The following ZNF385D variants were observed in gnomAD, a reference collection of about 807,000 sequenced individuals.
ZNF385D encodes zinc finger protein 659.
A neutral mutation model predicts 35.8 loss-of-function variants in ZNF385D; 15 were observed. That is an observed-to-expected ratio of 0.42 (90% confidence interval 0.28 to 0.64). The LOEUF is 0.64. ZNF385D is among the 30% of genes least tolerant of loss of function. ZNF385D has a pLI of 0.23. For synonymous variants in ZNF385D, 212 were observed against 186.8 expected (o/e 1.13, Z -1.10); for missense variants, 474 against 494.6 (o/e 0.96, Z 0.39).
At chr3:21,784,554 A>G (rs2071612781) in intron 3 of ZNF385D, among the ~76,000 whole-genome samples, 1 of 152,160 alleles carries the variant, frequency 6.6e-6, no homozygotes, top group Non-Finnish European at 1.5e-5. Flanking sequence ...GGCATAGACT[A>G]GGTGAGGGCA....
chr3:21,627,746 T>C (rs2065174874), intron 2 of ZNF385D, among the ~76,000 whole-genome samples: 1 of 152,092 alleles, frequency 6.6e-6, no homozygotes, highest in African/African-American at 2.4e-5. Context: ...TGGAGTAAGC[T>C]TTACCCAGGA....
chr3:22,235,792 A>G (rs769089456), intron 2 of ZNF385D, among the ~76,000 whole-genome samples: 2 of 152,144 alleles, frequency 1.3e-5, no homozygotes, highest in Non-Finnish European at 2.9e-5. Context: ...ACAAATTCTC[A>G]CATAGTCTGG....
intron 1 of ZNF385D, among the ~76,000 whole-genome samples, chr3:21,724,842 A>G (rs1315008575): frequency 6.6e-6 from 1 of 152,240 alleles, no homozygotes; most frequent in Non-Finnish European, 1.5e-5. Flanking sequence ...CCTAATAGAC[A>G]TCTACACAAC....
At chr3:22,351,806 G>T (rs1455580854) in intron 2 of ZNF385D, among the ~76,000 whole-genome samples, 3 of 152,128 alleles carry the variant, frequency 2.0e-5, no homozygotes, top group Non-Finnish European at 4.4e-5. Context: ...TGAATTGCTT[G>T]CCCTCCACCA....
chr3:22,184,981 G>A (rs998901665), intron 2 of ZNF385D, among the ~76,000 whole-genome samples: 9 of 151,728 alleles, frequency 5.9e-5, no homozygotes, highest in Admixed American at 3.3e-4. Context: ...GAGTTTTTAG[G>A]TAGGTTAAAA....
intron 3 of ZNF385D, among the ~76,000 whole-genome samples, chr3:21,944,654 G>T (rs1701686745): frequency 6.6e-6 from 1 of 152,076 alleles, no homozygotes; most frequent in Non-Finnish European, 1.5e-5. Flanking sequence ...AGAATAACTA[G>T]GTTTACAGAA....
At chr3:21,599,419 T>A (rs2064218014) in intron 2 of ZNF385D, among the ~76,000 whole-genome samples, 1 of 152,188 alleles carries the variant, frequency 6.6e-6, no homozygotes, top group South Asian at 2.1e-4. Flanking sequence ...AAAATAAAAA[T>A]TTTTCCTAAG....
chr3:22,074,898 C>G (rs1700392074), intron 3 of ZNF385D, among the ~76,000 whole-genome samples: 1 of 151,776 alleles, frequency 6.6e-6, no homozygotes, highest in African/African-American at 2.4e-5. Context: ...TTCAGTGGTT[C>G]TCAACATGAG....
chr3:21,834,612 G>T (rs867713967), intron 3 of ZNF385D, among the ~76,000 whole-genome samples: 1 of 152,118 alleles, frequency 6.6e-6, no homozygotes, highest in Non-Finnish European at 1.5e-5. Context: ...CCAATGAAAA[G>T]CTTCATTTTT....
chr3:21,703,044 T>A (rs746905664), intron 1 of ZNF385D, among the ~76,000 whole-genome samples: 31 of 152,220 alleles, frequency 2.0e-4, no homozygotes, highest in Non-Finnish European at 4.0e-4. Flanking sequence ...TTTTTGGGTA[T>A]ATTTTCAGCA....
intron 4 of ZNF385D, among the ~76,000 whole-genome samples, chr3:21,471,156 AT>A (rs962773067): frequency 5.9e-5 from 9 of 152,046 alleles, no homozygotes; most frequent in African/African-American, 2.2e-4. Context: ...TTATGCCCAA[AT>A]TATCTTGAGT....
chr3:21,976,396 G>A (rs1248351838), intron 3 of ZNF385D, among the ~76,000 whole-genome samples: 1 of 152,128 alleles, frequency 6.6e-6, no homozygotes, highest in African/African-American at 2.4e-5. Flanking sequence ...AGTGGAGAAT[G>A]ATAAGAGGAT....
intron 1 of ZNF385D, among the ~76,000 whole-genome samples, chr3:21,716,627 T>G (rs1334450624): frequency 6.6e-6 from 1 of 152,156 alleles, no homozygotes; most frequent in East Asian, 1.9e-4. Flanking sequence ...CACCTTTTCA[T>G]TGAAATCTTC....
chr3:21,718,660 C>G (rs763644414), intron 1 of ZNF385D, among the ~76,000 whole-genome samples: 1 of 152,042 alleles, frequency 6.6e-6, no homozygotes, highest in Non-Finnish European at 1.5e-5. Flanking sequence ...GGACTTGAGC[C>G]CAGACATTCA....
At chr3:21,602,755 G>C (rs572147811) in intron 2 of ZNF385D, among the ~76,000 whole-genome samples, 4 of 150,472 alleles carry the variant, frequency 2.7e-5, no homozygotes, top group Non-Finnish European at 1.5e-5. Context: ...GGATGGTCTC[G>C]ATCTCCTAAC....
chr3:22,038,158 T>A (rs144437821), intron 3 of ZNF385D, among the ~76,000 whole-genome samples: 47 of 152,226 alleles, frequency 3.1e-4, no homozygotes, highest in African/African-American at 1.1e-3. Flanking sequence ...CTAGAGCAAA[T>A]TGCTGAACTA....
rs1284026767 is a variant in ZNF385D, at chr3:21,963,907, C to A, written c.325+204910G>T. Among the ~76,000 whole-genome samples, 4 of 152,028 alleles carry A rather than the reference C, an allele frequency of 2.6e-5. No individual in the cohort carries two copies. In the East Asian group the frequency reaches 7.7e-4, roughly 29 times the overall value. ...CAGAAATACAAGAACTAACTCAGAG[C>A]AATTTTAGAATGGCTACTAATATTA... On this transcript the variant is annotated intron_variant, in intron 3 of 5. Transcript: ENST00000494108.
At chr3:21,608,012 C>CTTCTTTTTTTTTTTTTTTTTTTTTTTT (rs2064536095) in intron 2 of ZNF385D, among the ~76,000 whole-genome samples, 3 of 123,950 alleles carry the variant, frequency 2.4e-5, no homozygotes, top group Admixed American at 9.0e-5. Flanking sequence ...TCTTTTTCTT[C>CTTCTTTTTTTTTTTTTTTTTTTTTTTT]TTTTTTTTTT....
At chr3:21,995,835 C>T (rs1479202875) in intron 3 of ZNF385D, among the ~76,000 whole-genome samples, 1 of 151,922 alleles carries the variant, frequency 6.6e-6, no homozygotes, top group African/African-American at 2.4e-5. Context: ...TCAGCATCGC[C>T]AGGCAAGCAG....
Sources: allele counts gnomAD v4.1 joint callset (sites outside exome capture counted in the v4.1 genomes callset), GRCh38; gene constraint gnomAD v4.1.1; transcripts MANE v1.5; gene names NCBI Gene and HGNC (gene_info 2026-07-23, HGNC 2026-07-21).